The following ADCY1 variants were observed in gnomAD, a reference collection of about 807,000 sequenced individuals.
ADCY1 encodes the protein adenylate cyclase type 1.
A neutral mutation model predicts 105.4 loss-of-function variants in ADCY1; 28 were observed. The ratio of observed to expected loss-of-function variants is 0.27; its 90% CI spans 0.20 to 0.36. The LOEUF is 0.36. Among genes scored for constraint, ADCY1 ranks in the 10% least tolerant of loss-of-function variants. The pLI is 1.00. For synonymous variants in ADCY1, 655 were observed against 623.8 expected (o/e 1.05, Z -0.75); for missense variants, 977 against 1,434.2 (o/e 0.68, Z 5.15).
intron 4 of ADCY1, among the ~76,000 whole-genome samples, chr7:45,638,682 G>C (rs1025905763): frequency 1.3e-5 from 2 of 150,964 alleles, no homozygotes; most frequent in African/African-American, 4.9e-5. Context: ...TGTGAAGTAG[G>C]AGCATGTGAG....
rs919186127 is a variant in ADCY1 at position 45,660,303 on chromosome 7, C to T, written c.1449+120C>T. ...ACTGCTTCTCTGGGCTGTGAACTTG[C>T]TAAGATGGGGAGAGTTGTCCCCACT... On this transcript the variant is annotated intron_variant, in intron 7 of 19. Transcript: ENST00000297323. 34 of 1,389,426 alleles carry T rather than the reference C, an allele frequency of 2.4e-5. No individual in the cohort carries two copies. The East Asian group carries it at 3.0e-4, about 12-fold the overall frequency. The allele number at this position is 1,389,426 out of a possible 1,614,324, so 86.1% of individuals were successfully genotyped here.
chr7:45,654,965 G>C (rs376712093), intron 5 of ADCY1, among the ~76,000 whole-genome samples: 12 of 152,294 alleles, frequency 7.9e-5, no homozygotes, highest in East Asian at 7.7e-4. Context: ...CACAAGGATG[G>C]GGGCTTGGAG....
rs918768657 is a variant in ADCY1 at position 45,575,286 on chromosome 7, G to A, written c.639+104G>A. 1.9e-5 allele frequency: 26 copies of A among 1,403,618 alleles called. No homozygotes were observed. Among genetic ancestry groups the A allele is most frequent in the Admixed American group, 1.3e-4 (5 of 38,586 alleles). The allele number at this position is 1,403,618 out of a possible 1,614,324, so 86.9% of individuals were successfully genotyped here. On this transcript the variant is annotated intron_variant, in intron 1 of 19. Transcript: ENST00000297323. The surrounding 1 kb of genome is among the most constrained non-coding windows in gnomAD (Gnocchi z 4.7). ...CGCTTTTTCCTATGCGGCGGGTGGG[G>A]ACACTGAGGCTCCGAGTGGGGGTGT...
intron 2 of ADCY1, among the ~76,000 whole-genome samples, chr7:45,600,380 C>T (rs900370773): frequency 3.3e-5 from 5 of 152,182 alleles, no homozygotes; most frequent in African/African-American, 1.2e-4. Flanking sequence ...CCTGGAAGAG[C>T]CCGAGGAGCA....
At chr7:45,603,478 A>G (rs1326254266) in intron 2 of ADCY1, among the ~76,000 whole-genome samples, 1 of 152,100 alleles carries the variant, frequency 6.6e-6, no homozygotes, top group East Asian at 1.9e-4. Context: ...TTTTGTTTAA[A>G]TTAAACTGTT....
Position 45,710,475 on chromosome 7 carries a change from G to A in ADCY1, c.2933-53G>A. On this transcript the variant is annotated intron_variant, in intron 18 of 19. Coordinates refer to ENST00000297323, the MANE Select transcript of ADCY1 (RefSeq NM_021116.4). The surrounding 1 kb of genome is among the most constrained non-coding windows in gnomAD (Gnocchi z 4.7). ...CAGGTGCATTTGGTGGCCCTGGTGG[G>A]GTGAGTTACACTTTTCCCGCTGATG... 6.3e-7 allele frequency: 1 copy of A among 1,589,132 alleles called. No individual in the cohort carries two copies. Among genetic ancestry groups the A allele is most frequent in the Non-Finnish European group, 8.6e-7 (1 of 1,165,784 alleles).
chr7:45,674,530 C>A (rs559292696), intron 8 of ADCY1, among the ~76,000 whole-genome samples: 6 of 152,104 alleles, frequency 3.9e-5, no homozygotes, highest in Non-Finnish European at 8.8e-5. Flanking sequence ...CCCGCCACCA[C>A]GCCCTGCTAA....
chr7:45,598,040 G>A (rs1478935989), intron 2 of ADCY1, among the ~76,000 whole-genome samples: 2 of 152,198 alleles, frequency 1.3e-5, no homozygotes, highest in Non-Finnish European at 2.9e-5. Flanking sequence ...CAGGGTCTGG[G>A]CAGAGAAGAA....
chr7:45,647,068 A>G lies in ADCY1; in HGVS notation c.1021-1602A>G, dbSNP rs546573531. Among the ~76,000 whole-genome samples, 1 of 152,320 alleles carries G rather than the reference A, an allele frequency of 6.6e-6. No individual in the cohort carries two copies. Among genetic ancestry groups the G allele is most frequent in the East Asian group, 1.9e-4 (1 of 5,178 alleles). On this transcript the variant is annotated intron_variant, in intron 4 of 19. Transcript: ENST00000297323. This position sits in a 1 kb window ranked among gnomAD's most constrained non-coding sequence, Gnocchi z 4.6. ...AGGAGCTGGGCAGAGAGCCAACTGT[A>G]TGCCCAACAGCGCCCCCTCCTCTGA...
intron 19 of ADCY1, among the ~76,000 whole-genome samples, chr7:45,712,049 A>ATATTAAATATATATTTTATATAT (rs1785267236): frequency 1.4e-5 from 1 of 69,464 alleles, no homozygotes; most frequent in African/African-American, 3.8e-5. Flanking sequence ...ATTTTATATA[A>ATATTAAATATATATTTTATATAT]TATATTAAAT....
At chr7:45,637,398 A>T (rs1426363115) in intron 4 of ADCY1, among the ~76,000 whole-genome samples, 1 of 152,162 alleles carries the variant, frequency 6.6e-6, no homozygotes, top group African/African-American at 2.4e-5. Flanking sequence ...TCATTTATGC[A>T]GTCTATTTCT....
rs746848171 is a variant in ADCY1, at chr7:45,574,966, G to T, written c.423G>T (p.Ala141=). The change falls in exon 1 of 20, where the codon GCG becomes GCT. Residue 141 remains alanine (A), a synonymous_variant. Transcript: ENST00000297323. The surrounding 1 kb of genome is among the most constrained non-coding windows in gnomAD (Gnocchi z 7.0). ...TCGCGCTGCTCTGCTGTCCTTTCGCGCTGGGCGGCCCCGCCCGGGGTTCCG... is the reference window on the plus strand; with the variant it reads ...TCGCGCTGCTCTGCTGTCCTTTCGCTCTGGGCGGCCCCGCCCGGGGTTCCG... ...LTFALLCCPF[A]LGGPARGSAG... is the part of the protein sequence containing the mutation. 3.7e-6 allele frequency: 6 copies of T among 1,611,136 alleles called. No homozygotes were observed. Among genetic ancestry groups the T allele is most frequent in the Non-Finnish European group, 4.2e-6 (5 of 1,179,268 alleles).
Position 45,660,184 on chromosome 7 carries a change from G to T in ADCY1, c.1449+1G>T. The T allele has an allele frequency of 6.2e-7, 1 of 1,614,148 alleles. No individual in the cohort carries two copies. Among genetic ancestry groups the T allele is most frequent in the Non-Finnish European group, 8.5e-7 (1 of 1,179,990 alleles). On this transcript the variant is annotated splice_donor_variant, in intron 7 of 19. Coordinates refer to ENST00000297323, the MANE Select transcript of ADCY1 (RefSeq NM_021116.4). LOFTEE classifies it high-confidence loss of function. ...TATTGTGCCATCCCATCGCCGAAAG[G>T]TAGGCACCAGAGCCCCCCTCATTTG...
Position 45,683,126 on chromosome 7 carries a change from T to C in ADCY1, c.1984-1853T>C, listed in dbSNP as rs550537372. ...GGTGTCCACAGTAGGGGTTGTCCTA[T>C]CCACTGGATTTGAATTCTCCGCTGC... On this transcript the variant is annotated intron_variant, in intron 11 of 19. Coordinates refer to ENST00000297323, the MANE Select transcript of ADCY1 (RefSeq NM_021116.4). Among the ~76,000 whole-genome samples, 16 of 152,276 alleles carry C rather than the reference T, an allele frequency of 1.1e-4. No individual in the cohort carries two copies. In the South Asian group the frequency reaches 3.1e-3, roughly 30 times the overall value.
At chr7:45,662,744 A>G (rs1261805301) in intron 8 of ADCY1, among the ~76,000 whole-genome samples, 1 of 152,100 alleles carries the variant, frequency 6.6e-6, no homozygotes. Flanking sequence ...GCAAAACAGC[A>G]AAACAGTCTT....
Position 45,589,661 on chromosome 7 carries a change from C to T in ADCY1, c.640-3098C>T, listed in dbSNP as rs530795049. Among the ~76,000 whole-genome samples, 35 of 151,842 alleles carry T rather than the reference C, an allele frequency of 2.3e-4. No homozygotes were observed. The East Asian group carries it at 4.5e-3, about 19-fold the overall frequency. On this transcript the variant is annotated intron_variant, in intron 1 of 19. Coordinates refer to ENST00000297323, the MANE Select transcript of ADCY1 (RefSeq NM_021116.4). ...TTGAGGATGCTCATCTGGGAAAATG[C>T]GGGGGCGTGGGTGTCTCGGCGGGTG...
chr7:45,580,029 C>T (rs1049979140), intron 1 of ADCY1, among the ~76,000 whole-genome samples: 1 of 151,726 alleles, frequency 6.6e-6, no homozygotes, highest in Admixed American at 6.6e-5. Flanking sequence ...TCCCTTCACC[C>T]CCAGGCTTAT....
In ADCY1 at chr7:45,660,063, G is replaced by T. The variant is rs759252700; in HGVS notation, c.1329G>T (p.Thr443=). The T allele has an allele frequency of 2.5e-6, 4 of 1,614,158 alleles. No individual in the cohort carries two copies. Among genetic ancestry groups the T allele is most frequent in the Non-Finnish European group, 3.4e-6 (4 of 1,180,012 alleles). ...GTAGGAAGGTTCATATCACAAAGAC[G>T]ACCCTAGCGTGCTTGAATGGGGACT... ...GLPGKVHITK[T]TLACLNGDYE... The change falls in exon 7 of 20, where the codon ACG becomes ACT. Residue 443 remains threonine, a synonymous_variant. Coordinates refer to ENST00000297323, the MANE Select transcript of ADCY1 (RefSeq NM_021116.4).
chr7:45,575,300 GAGT>G lies in ADCY1; in HGVS notation c.639+119_639+121del, dbSNP rs1792301706. 2.3e-6 allele frequency: 3 copies of G among 1,293,316 alleles called. No individual in the cohort carries two copies. In the African/African-American group the frequency reaches 4.5e-5, roughly 19 times the overall value. 80.1% of individuals were successfully genotyped at this position (1,293,316 alleles called of 1,614,324 possible). On this transcript the variant is annotated intron_variant, in intron 1 of 19. Transcript: ENST00000297323. This position sits in a 1 kb window ranked among gnomAD's most constrained non-coding sequence, Gnocchi z 4.7. ...CGGCGGGTGGGGACACTGAGGCTCC[GAGT>G]GGGGGTGTGTTCAAGGTCACTCCTA...
Sources: gnomAD v4.1 joint callset for allele counts (sites outside exome capture counted in the v4.1 genomes callset) on GRCh38, gnomAD v4.1.1 for gene constraint, Gnocchi (gnomAD v3.1) non-coding constraint, MANE v1.5 for transcripts, NCBI Gene and HGNC (gene_info 2026-07-23, HGNC 2026-07-21) for gene names.